Variants in IMMP2L observed in about 807,000 individuals in gnomAD.
IMMP2L encodes the protein inner mitochondrial membrane peptidase subunit 2.
IMMP2L carries 18 observed loss-of-function variants against 19.3 expected under a neutral mutation model. The ratio of observed to expected loss-of-function variants is 0.93; its 90% CI spans 0.64 to 1.38. The LOEUF is 1.38. Among genes scored for constraint, IMMP2L ranks in the 40% most tolerant of loss-of-function variants. The pLI is 0.00. For missense variants in IMMP2L, 233 were observed against 218.2 expected (o/e 1.07, Z -0.43); for synonymous variants, 76 against 73.0 (o/e 1.04, Z -0.21).
chr7:111,062,991 G>A (rs748536155), intron 3 of IMMP2L, among the ~76,000 whole-genome samples: 3 of 152,234 alleles, frequency 2.0e-5, no homozygotes, highest in Non-Finnish European at 4.4e-5. Context: ...CTGGGGGACA[G>A]TGGCACACTT....
intron 3 of IMMP2L, among the ~76,000 whole-genome samples, chr7:111,281,202 GAA>G (rs1171582416): frequency 1.4e-3 from 59 of 42,348 alleles, no homozygotes; most frequent in African/African-American, 3.6e-3. Flanking sequence ...AAGAAAGAAA[GAA>G]AGAAAGAAAG....
At chr7:110,961,163 A>C (rs554841251) in intron 4 of IMMP2L, among the ~76,000 whole-genome samples, 52 of 152,022 alleles carry the variant, frequency 3.4e-4, no homozygotes, top group African/African-American at 1.1e-3. Flanking sequence ...CTACCATAAC[A>C]CTCAGCATCC....
intron 3 of IMMP2L, among the ~76,000 whole-genome samples, chr7:111,001,765 T>G (rs1213412899): frequency 6.6e-6 from 1 of 152,296 alleles, no homozygotes; most frequent in East Asian, 1.9e-4. Flanking sequence ...AATTTGCAAT[T>G]TGTAATGAGC....
At chr7:110,702,585 A>C (rs1794357267) in intron 5 of IMMP2L, among the ~76,000 whole-genome samples, 1 of 152,108 alleles carries the variant, frequency 6.6e-6, no homozygotes, top group Non-Finnish European at 1.5e-5. Flanking sequence ...TTAGGTCTTT[A>C]ATTTCTTTCA....
intron 4 of IMMP2L, among the ~76,000 whole-genome samples, chr7:110,893,116 AC>A (rs1318524713): frequency 6.6e-6 from 1 of 152,196 alleles, no homozygotes; most frequent in Non-Finnish European, 1.5e-5. Flanking sequence ...CCTAGTGCTT[AC>A]AAAAATTATG....
At chr7:110,800,479 A>G (rs961916537) in intron 5 of IMMP2L, among the ~76,000 whole-genome samples, 1 of 152,106 alleles carries the variant, frequency 6.6e-6, no homozygotes, top group Non-Finnish European at 1.5e-5. Context: ...ACATTAAACA[A>G]CAAAAGGATC....
intron 5 of IMMP2L, among the ~76,000 whole-genome samples, chr7:110,704,551 C>T (rs965816248): frequency 1.3e-5 from 2 of 152,200 alleles, no homozygotes; most frequent in African/African-American, 4.8e-5. Flanking sequence ...CCTCAAACTG[C>T]CCTACCAGAA....
intron 3 of IMMP2L, among the ~76,000 whole-genome samples, chr7:111,281,162 GAA>G (rs757408874): frequency 0.044 from 1,000 of 22,674 alleles, 47 homozygotes; most frequent in African/African-American, 0.13. Flanking sequence ...AAGACAGAAA[GAA>G]AGAAAGAAAG....
intron 3 of IMMP2L, among the ~76,000 whole-genome samples, chr7:111,374,695 A>G (rs1476532041): frequency 6.6e-6 from 1 of 152,130 alleles, no homozygotes. Flanking sequence ...GCCTTAAATC[A>G]AAAGCTAATA....
intron 3 of IMMP2L, among the ~76,000 whole-genome samples, chr7:111,380,949 CACT>C (rs1338278122): frequency 6.6e-6 from 1 of 151,368 alleles, no homozygotes; most frequent in African/African-American, 2.5e-5. Context: ...AGGTTATTCT[CACT>C]ACTATCTATT....
intron 5 of IMMP2L, among the ~76,000 whole-genome samples, chr7:110,669,026 TATGTGTGTGTGTGTGTGTGTGTGTGC>T (rs1473738564): frequency 4.1e-3 from 63 of 15,462 alleles, no homozygotes; most frequent in Middle Eastern, 0.12. Flanking sequence ...GAACCAACAG[TATGTGTGTGTGTGTGTGTGTGTGTGC>T]GTGTGTGTGT....
intron 3 of IMMP2L, among the ~76,000 whole-genome samples, chr7:111,292,503 A>AT (rs978646598): frequency 1.2e-4 from 18 of 150,382 alleles, no homozygotes; most frequent in South Asian, 6.3e-4. Context: ...ACTTGCCATG[A>AT]TTTTTTTTTT....
intron 3 of IMMP2L, among the ~76,000 whole-genome samples, chr7:111,069,297 A>C (rs2129575188): frequency 6.6e-6 from 1 of 152,324 alleles, no homozygotes; most frequent in Admixed American, 6.5e-5. Flanking sequence ...AAGCTGCAGT[A>C]GAAATGTTGT....
intron 5 of IMMP2L, among the ~76,000 whole-genome samples, chr7:110,735,846 CAAAAA>C (rs59078426): frequency 2.1e-5 from 1 of 47,628 alleles, no homozygotes; most frequent in East Asian, 8.8e-4. Flanking sequence ...CACTCTGCCT[CAAAAA>C]AAAAAAAAAA....
At chr7:111,231,222 T>C (rs1813681380) in intron 3 of IMMP2L, among the ~76,000 whole-genome samples, 1 of 152,032 alleles carries the variant, frequency 6.6e-6, no homozygotes, top group Admixed American at 6.6e-5. Flanking sequence ...AGGTAAATTA[T>C]TATGATATTT....
At chr7:110,987,895 T>G (rs941334381) in intron 3 of IMMP2L, among the ~76,000 whole-genome samples, 2 of 152,250 alleles carry the variant, frequency 1.3e-5, no homozygotes, top group East Asian at 3.9e-4. Flanking sequence ...CCCCAAATAG[T>G]CTACTAAAAT....
chr7:111,460,663 T>G (rs1262707440), intron 3 of IMMP2L, among the ~76,000 whole-genome samples: 1 of 152,064 alleles, frequency 6.6e-6, no homozygotes, highest in Admixed American at 6.6e-5. Flanking sequence ...TTATTTGTCC[T>G]TATAATTTGT....
chr7:111,237,017 A>C (rs1814404664), intron 3 of IMMP2L, among the ~76,000 whole-genome samples: 1 of 152,156 alleles, frequency 6.6e-6, no homozygotes, highest in African/African-American at 2.4e-5. Flanking sequence ...TGGGAATAGA[A>C]AGTAAGAACT....
At chr7:110,787,086 G>A (rs1283155763) in intron 5 of IMMP2L, among the ~76,000 whole-genome samples, 1 of 151,906 alleles carries the variant, frequency 6.6e-6, no homozygotes, top group Non-Finnish European at 1.5e-5. Context: ...AATAAGAAGT[G>A]ACTTATAAGG....
Sources: gnomAD v4.1 joint callset for allele counts (sites outside exome capture counted in the v4.1 genomes callset) on GRCh38, gnomAD v4.1.1 for gene constraint, MANE v1.5 for transcripts, NCBI Gene and HGNC (gene_info 2026-07-23, HGNC 2026-07-21) for gene names.